The following NRXN3 variants were observed in gnomAD, a reference collection of about 807,000 sequenced individuals.
NRXN3 encodes neurexin III.
A neutral mutation model predicts 137.6 loss-of-function variants in NRXN3; 32 were observed. The ratio of observed to expected loss-of-function variants is 0.23; its 90% CI spans 0.18 to 0.31. NRXN3 has a LOEUF of 0.31. Among genes scored for constraint, NRXN3 ranks in the 10% least tolerant of loss-of-function variants. The pLI, the probability that NRXN3 is intolerant of heterozygous loss-of-function variation, is 1.00. For synonymous variants in NRXN3, 798 were observed against 784.5 expected (o/e 1.02, Z -0.29); for missense variants, 1,574 against 2,062.5 (o/e 0.76, Z 4.59).
chr14:78,739,375 G>A (rs772679107), intron 8 of NRXN3, among the ~76,000 whole-genome samples: 10 of 152,142 alleles, frequency 6.6e-5, no homozygotes, highest in African/African-American at 2.4e-4. Flanking sequence ...ACACATCCAG[G>A]CATCATAACC....
chr14:79,128,785 C>T (rs959587340), intron 15 of NRXN3, among the ~76,000 whole-genome samples: 6 of 151,962 alleles, frequency 3.9e-5, no homozygotes, highest in South Asian at 2.1e-4. Flanking sequence ...TGGTAGAATT[C>T]GGCTGTGAAT....
rs952343899 is a variant in NRXN3, at chr14:79,531,130, T to G, written c.3444+63728T>G. On this transcript the variant is annotated intron_variant, in intron 16 of 20. Coordinates refer to ENST00000335750, the MANE Select transcript of NRXN3 (RefSeq NM_001330195.2). ...TAAATACCAGCTTAATTAGCTGTAC[T>G]CATCCTCCTTCCCAATCCTCTTTGA... Among the ~76,000 whole-genome samples, 7 of 152,360 alleles carry G rather than the reference T, an allele frequency of 4.6e-5. No individual in the cohort carries two copies. The East Asian group carries it at 1.2e-3, about 25-fold the overall frequency.
intron 4 of NRXN3, among the ~76,000 whole-genome samples, chr14:78,619,576 G>A (rs2097379150): frequency 6.6e-6 from 1 of 152,082 alleles, no homozygotes; most frequent in African/African-American, 2.4e-5. Context: ...GAATCATGGG[G>A]GTTGCTCCCT....
intron 15 of NRXN3, among the ~76,000 whole-genome samples, chr14:79,197,359 G>A (rs2065271278): frequency 6.6e-6 from 1 of 152,120 alleles, no homozygotes; most frequent in Non-Finnish European, 1.5e-5. Flanking sequence ...ATGACATACT[G>A]ATTATTTGAA....
intron 20 of NRXN3, among the ~76,000 whole-genome samples, chr14:79,828,435 CATGGTGAA>C (rs2099311955): frequency 2.6e-5 from 4 of 151,868 alleles, no homozygotes; most frequent in Admixed American, 2.6e-4. Context: ...GCCTGGCAAA[CATGGTGAA>C]ACCCCATCTC....
chr14:78,211,925 A>G (rs1037589843), intron 1 of NRXN3, among the ~76,000 whole-genome samples: 2 of 152,228 alleles, frequency 1.3e-5, no homozygotes, highest in African/African-American at 2.4e-5. Flanking sequence ...TCCTCCCTAC[A>G]GTGAAAGCAT....
rs950057893 is a variant in NRXN3 at position 79,148,854 on chromosome 14, G to GT, written c.3262+160720dup. ...TCCACAAATCCTCCCTTTAAAGAGT[G>GT]TTTTTTTCCCATGCCTTTCTTATTC... On this transcript the variant is annotated intron_variant, in intron 15 of 20. Coordinates refer to ENST00000335750, the MANE Select transcript of NRXN3 (RefSeq NM_001330195.2). Among the ~76,000 whole-genome samples, 14 of 152,184 alleles carry GT rather than the reference G, an allele frequency of 9.2e-5. 1 individual carries two copies. The South Asian group carries it at 1.4e-3, about 16-fold the overall frequency.
chr14:79,731,247 C>T (rs1445401685), intron 19 of NRXN3, among the ~76,000 whole-genome samples: 2 of 152,156 alleles, frequency 1.3e-5, no homozygotes, highest in African/African-American at 2.4e-5. Context: ...CCGAAGTGCC[C>T]ATTGGCTACC....
At chr14:79,145,143 G>T (rs2059168217) in intron 15 of NRXN3, among the ~76,000 whole-genome samples, 1 of 152,104 alleles carries the variant, frequency 6.6e-6, no homozygotes, top group Admixed American at 6.6e-5. Flanking sequence ...TGAGTATTAT[G>T]TGCACGCTTA....
Position 78,524,005 on chromosome 14 carries a change from T to C in NRXN3, c.758-121115T>C, listed in dbSNP as rs114167984. 6.3e-3 allele frequency among the ~76,000 whole-genome samples: 963 copies of C among 152,116 alleles called. 8 individuals are homozygous for C. Among genetic ancestry groups the C allele is most frequent in the African/African-American group, 0.022 (908 of 41,480 alleles). On this transcript the variant is annotated intron_variant, in intron 4 of 20. Transcript: ENST00000335750. ...AAAACAGCCCAATCAATGTCCTGGGTTCTGTTCACTCAGACTGAGAAAAAG... is the reference window on the plus strand; with the variant it reads ...AAAACAGCCCAATCAATGTCCTGGGCTCTGTTCACTCAGACTGAGAAAAAG...
intron 4 of NRXN3, among the ~76,000 whole-genome samples, chr14:78,566,185 A>G (rs542901590): frequency 3.3e-4 from 50 of 152,100 alleles, no homozygotes; most frequent in African/African-American, 1.2e-3. Context: ...AAGACTCTCT[A>G]AAAACAGGTG....
At chr14:79,024,281 TTC>T (rs2099594664) in intron 15 of NRXN3, among the ~76,000 whole-genome samples, 1 of 152,150 alleles carries the variant, frequency 6.6e-6, no homozygotes, top group African/African-American at 2.4e-5. Context: ...CCTCTCTCCT[TTC>T]TCTCTTTTTT....
intron 20 of NRXN3, chr14:79,853,973 G>T (rs2099397159): frequency 4.1e-6 from 4 of 986,930 alleles, no homozygotes; most frequent in African/African-American, 1.8e-5. Context: ...TTAAAGTGCA[G>T]ATTTTTTTTT....
In NRXN3 at chr14:79,111,723, G is replaced by A. The variant is rs186240405; in HGVS notation, c.3262+123582G>A. On this transcript the variant is annotated intron_variant, in intron 15 of 20. Coordinates refer to ENST00000335750, the MANE Select transcript of NRXN3 (RefSeq NM_001330195.2). ...GTGGCACTCCAGCCTGGGTGATAGA[G>A]AGACTCCATCTCAAAAAAAAAAAAA... Among the ~76,000 whole-genome samples the A allele has an allele frequency of 4.2e-3, 610 of 143,618 alleles. 3 individuals are homozygous for A. Among genetic ancestry groups the A allele is most frequent in the Non-Finnish European group, 7.3e-3 (487 of 67,070 alleles). 94.2% of individuals were successfully genotyped at this position (143,618 alleles called of 152,430 possible).
chr14:78,715,218 C>A (rs1237727873), intron 8 of NRXN3, 79 bp downstream of exon 8: 2 of 1,514,254 alleles, frequency 1.3e-6, no homozygotes, highest in Non-Finnish European at 8.9e-7. Flanking sequence ...GCAGCCCAAG[C>A]CTTCGCACCT....
chr14:78,376,328 T>A (rs1027213949), intron 4 of NRXN3, among the ~76,000 whole-genome samples: 1 of 152,220 alleles, frequency 6.6e-6, no homozygotes, highest in African/African-American at 2.4e-5. Flanking sequence ...ATTGTTGGAA[T>A]GCATAATGCA....
intron 15 of NRXN3, among the ~76,000 whole-genome samples, chr14:79,278,791 G>A (rs1240297480): frequency 3.3e-5 from 5 of 152,134 alleles, no homozygotes; most frequent in African/African-American, 1.2e-4. Flanking sequence ...TTGGGAGTCC[G>A]GACTCAGATT....
At chr14:79,103,491 A>AG (rs1251925505) in intron 15 of NRXN3, among the ~76,000 whole-genome samples, 9 of 152,118 alleles carry the variant, frequency 5.9e-5, no homozygotes, top group Non-Finnish European at 1.2e-4. Context: ...TTAAGTTTTA[A>AG]GCGCCTGGTA....
chr14:78,776,436 T>C (rs2098745281), intron 8 of NRXN3, among the ~76,000 whole-genome samples: 1 of 152,046 alleles, frequency 6.6e-6, no homozygotes, highest in South Asian at 2.1e-4. Flanking sequence ...GAGCAGATAA[T>C]AGTATTGGGG....
Sources: allele counts gnomAD v4.1 joint callset (sites outside exome capture counted in the v4.1 genomes callset), GRCh38; gene constraint gnomAD v4.1.1; transcripts MANE v1.5; gene names NCBI Gene and HGNC (gene_info 2026-07-23, HGNC 2026-07-21).